Variants in TMEM154 observed in about 807,000 individuals in gnomAD.
TMEM154 encodes the protein transmembrane protein 154.
TMEM154 carries 27 observed loss-of-function variants against 24.5 expected under a neutral mutation model. The observed-to-expected ratio is 1.10, with a 90% CI of 0.81 to 1.52. The LOEUF is 1.52. Ranked by LOEUF, TMEM154 falls within the 40% of genes most tolerant of loss-of-function variation. TMEM154 has a pLI of 0.00. For synonymous variants in TMEM154, 67 were observed against 76.8 expected (o/e 0.87, Z 0.67); for missense variants, 228 against 213.4 (o/e 1.07, Z -0.43).
At chr4:152,661,330 CT>C (rs1728605177) in intron 1 of TMEM154, among the ~76,000 whole-genome samples, 7 of 140,102 alleles carry the variant, frequency 5.0e-5, no homozygotes, top group African/African-American at 1.7e-4. Flanking sequence ...CTCTCTCTCT[CT>C]CTCTCTCTCT....
At position 152,662,162 on chromosome 4, in the gene TMEM154, A is replaced by T. The variant is rs570056597; in HGVS notation, c.65-9235T>A. On this transcript the variant is annotated intron_variant, in intron 1 of 6. Coordinates refer to ENST00000304385, the MANE Select transcript of TMEM154 (RefSeq NM_152680.3). ...TCCTTCAGTTTGCACACAGGCAAGC[A>T]AGTTCTACAGTGTATCTAAAAATGG... Among the ~76,000 whole-genome samples the T allele has an allele frequency of 3.3e-5, 5 of 152,254 alleles. No homozygotes were observed. The South Asian group carries it at 6.2e-4, about 19-fold the overall frequency.
In TMEM154 at chr4:152,625,232, G is replaced by A. The variant is rs978065868; in HGVS notation, c.*3314C>T. ...CATCTGCCTGGCTGTCAATATCAAG[G>A]TGGATCCAGGCTGTTGGAACTGGTG... On this transcript the variant is annotated 3_prime_UTR_variant, in exon 7 of 7. Transcript: ENST00000304385. 2 of 152,316 alleles carry A rather than the reference G, an allele frequency of 1.3e-5. No individual in the cohort carries two copies. Among genetic ancestry groups the A allele is most frequent in the Non-Finnish European group, 2.9e-5 (2 of 68,076 alleles). The allele number at this position is 152,316 out of a possible 1,614,324, so 9.4% of individuals were successfully genotyped here. A position where few individuals can be genotyped will look rare whatever the true frequency, so the allele number is the denominator to read the frequency against.
At chr4:152,662,473 C>G (rs1209489599) in intron 1 of TMEM154, among the ~76,000 whole-genome samples, 2 of 152,100 alleles carry the variant, frequency 1.3e-5, no homozygotes, top group East Asian at 3.9e-4. Context: ...ATCAGATCAG[C>G]AGCCAGGAGT....
At chr4:152,676,447 A>G (rs1389912702) in intron 1 of TMEM154, among the ~76,000 whole-genome samples, 3 of 152,220 alleles carry the variant, frequency 2.0e-5, no homozygotes, top group African/African-American at 7.2e-5. Context: ...ACTTAGATTC[A>G]CTAATTAGCT....
intron 1 of TMEM154, among the ~76,000 whole-genome samples, chr4:152,676,587 A>G (rs1360587025): frequency 6.6e-6 from 1 of 152,222 alleles, no homozygotes; most frequent in Non-Finnish European, 1.5e-5. Flanking sequence ...AGCATTTAGA[A>G]TAGTGCCTGA....
chr4:152,674,571 C>A (rs1728914158), intron 1 of TMEM154, among the ~76,000 whole-genome samples: 1 of 152,108 alleles, frequency 6.6e-6, no homozygotes, highest in Non-Finnish European at 1.5e-5. Context: ...TTTGTTGCTT[C>A]CTCCTGCAGC....
chr4:152,628,548 A>G lies in TMEM154; in HGVS notation c.550T>C (p.Ter184GlnextTer2). 1.9e-6 allele frequency: 1 copy of G among 531,632 alleles called. No homozygotes were observed. The allele number at this position is 531,632 out of a possible 1,614,324, so 32.9% of individuals were successfully genotyped here. The change falls in exon 7 of 7, where the codon TAA becomes CAA. Residue 184 changes from the stop codon to glutamine, a stop_lost. Transcript: ENST00000304385. ...GAAAACATGAGCGCCATTCAGGTTT[A>G]GGATTCACTGTCACTGTAAAAAAAA... ...SNHNPSDSES[*>Q]
At chr4:152,647,618 T>C (rs1331915777) in intron 3 of TMEM154, among the ~76,000 whole-genome samples, 1 of 152,222 alleles carries the variant, frequency 6.6e-6, no homozygotes, top group Non-Finnish European at 1.5e-5. Context: ...AATTTGACTT[T>C]CCCTCTGAGC....
At chr4:152,656,469 G>T (rs1394087951) in intron 1 of TMEM154, among the ~76,000 whole-genome samples, 1 of 152,104 alleles carries the variant, frequency 6.6e-6, no homozygotes, top group Non-Finnish European at 1.5e-5. Flanking sequence ...TAAGCTGCTG[G>T]GGAAGCCACA....
rs1286926348 is a variant in TMEM154 at position 152,627,801 on chromosome 4, C to T, written c.*745G>A. ...AGTGTGAGCTTTGCAGAAATGCTGA[C>T]AAGCAAGGGAATTTCAGCTGAGGAG... On this transcript the variant is annotated 3_prime_UTR_variant, in exon 7 of 7. Transcript: ENST00000304385. The T allele has an allele frequency of 6.6e-6, 1 of 152,234 alleles. No homozygotes were observed. Among genetic ancestry groups the T allele is most frequent in the Non-Finnish European group, 1.5e-5 (1 of 68,050 alleles). 9.4% of individuals were successfully genotyped at this position (152,234 alleles called of 1,614,324 possible).
In TMEM154 at chr4:152,675,484, G is replaced by A. The variant is rs145722680; in HGVS notation, c.64+4386C>T. ...CTCTACTAAAAATACAAAATTAGCC[G>A]GGTGTGCTGGCACATGCCTGTAATC... On this transcript the variant is annotated intron_variant, in intron 1 of 6. Coordinates refer to ENST00000304385, the MANE Select transcript of TMEM154 (RefSeq NM_152680.3). 8.2e-3 allele frequency among the ~76,000 whole-genome samples: 1,243 copies of A among 152,024 alleles called. 16 individuals are homozygous for A. The highest frequency in any genetic ancestry group is 0.026 in the African/African-American group (1,094 of 41,484).
intron 1 of TMEM154, among the ~76,000 whole-genome samples, chr4:152,656,096 C>A (rs1728485920): frequency 6.6e-6 from 1 of 152,126 alleles, no homozygotes; most frequent in Admixed American, 6.5e-5. Context: ...TTGGCATCCA[C>A]CCTCATGTAC....
At chr4:152,663,862 G>T (rs1219086681) in intron 1 of TMEM154, among the ~76,000 whole-genome samples, 1 of 152,210 alleles carries the variant, frequency 6.6e-6, no homozygotes, top group African/African-American at 2.4e-5. Flanking sequence ...ACACATCTGG[G>T]ATTCATCTTT....
chr4:152,647,340 C>T, intron 3 of TMEM154: 1 of 984,834 alleles, frequency 1.0e-6, no homozygotes, highest in Non-Finnish European at 1.2e-6. Flanking sequence ...GAAAAAAAAT[C>T]AAATTTTGCT....
chr4:152,657,502 A>C (rs1161230237), intron 1 of TMEM154, among the ~76,000 whole-genome samples: 3 of 152,168 alleles, frequency 2.0e-5, no homozygotes, highest in African/African-American at 4.8e-5. Context: ...CAACAGAGCC[A>C]GATCCTGCCT....
intron 1 of TMEM154, among the ~76,000 whole-genome samples, chr4:152,672,859 T>C (rs1218768827): frequency 6.6e-6 from 1 of 152,192 alleles, no homozygotes; most frequent in Non-Finnish European, 1.5e-5. Context: ...GTAAACATTT[T>C]AGATTTTGTG....
At chr4:152,629,815 TAGAC>T (rs749288483) in intron 6 of TMEM154, among the ~76,000 whole-genome samples, 17 of 152,138 alleles carry the variant, frequency 1.1e-4, no homozygotes, top group South Asian at 2.1e-4. Context: ...CATAGATAGA[TAGAC>T]AGACAGATAG....
intron 3 of TMEM154, chr4:152,646,882 T>G (rs1046746334): frequency 4.3e-6 from 3 of 697,654 alleles, no homozygotes; most frequent in East Asian, 5.4e-5. Context: ...AAGCCAGGCA[T>G]CATGTAGCCA....
intron 1 of TMEM154, among the ~76,000 whole-genome samples, chr4:152,663,263 A>G (rs1242538571): frequency 2.6e-5 from 4 of 152,144 alleles, no homozygotes; most frequent in Non-Finnish European, 1.5e-5. Context: ...TGCCTGGTAT[A>G]ACTTCCTCAT....
Sources: allele counts gnomAD v4.1 joint callset (sites outside exome capture counted in the v4.1 genomes callset), GRCh38; gene constraint gnomAD v4.1.1; transcripts MANE v1.5; gene names NCBI Gene and HGNC (gene_info 2026-07-23, HGNC 2026-07-21).